Variants in BZW1 observed in about 807,000 individuals in gnomAD.
The protein encoded by BZW1 is basic leucine zipper and W2 domains 1, also known as eIF5-mimic protein 2.
BZW1 carries 3 observed loss-of-function variants against 54.1 expected under a neutral mutation model. That is an observed-to-expected ratio of 0.06 (90% CI 0.03 to 0.14). The LOEUF (loss-of-function observed/expected upper bound fraction) is 0.14. BZW1 is among the 10% of genes least tolerant of loss of function. The pLI is 1.00. For synonymous variants in BZW1, 152 were observed against 162.7 expected (o/e 0.93, Z 0.50); for missense variants, 206 against 491.7 (o/e 0.42, Z 5.50).
rs575962973 is a variant in BZW1 at position 200,823,865 on chromosome 2, T to A, written c.*1687T>A. On this transcript the variant is annotated 3_prime_UTR_variant, in exon 12 of 12. Transcript: ENST00000409600. ...CTTTATACATCAGTCTTTTTTTTTT[T>A]AAATTCCATGTTAATACCTAGTGGT... 1.3e-3 allele frequency: 191 copies of A among 152,528 alleles called. No homozygotes were observed. Among genetic ancestry groups the A allele is most frequent in the Non-Finnish European group, 1.8e-3 (121 of 67,982 alleles). 9.4% of individuals were successfully genotyped at this position (152,528 alleles called of 1,614,324 possible).
chr2:200,815,814 A>G (rs866046584), intron 4 of BZW1, 53 bp downstream of exon 4: 29 of 1,399,902 alleles, frequency 2.1e-5, no homozygotes, highest in Middle Eastern at 3.6e-4. Flanking sequence ...CATGTGGTAT[A>G]TTTGAGGAAT....
chr2:200,818,933 A>G lies in BZW1; in HGVS notation c.966+32A>G, dbSNP rs771246393. On this transcript the variant is annotated intron_variant, in intron 9 of 11. Coordinates refer to ENST00000409600, the MANE Select transcript of BZW1 (RefSeq NM_001207067.2). ...GAACTATGCCTTGACAAAACAAACT[A>G]TTCTGCTTTCACGTGGTGATAAGTG... 12 of 1,525,214 alleles carry G rather than the reference A, an allele frequency of 7.9e-6. No individual in the cohort carries two copies. The East Asian group carries it at 2.4e-4, about 31-fold the overall frequency. 94.5% of individuals were successfully genotyped at this position (1,525,214 alleles called of 1,614,324 possible).
chr2:200,818,122 G>A (rs1424291311), intron 7 of BZW1, 39 bp downstream of exon 7: 11 of 1,515,804 alleles, frequency 7.3e-6, no homozygotes, highest in Non-Finnish European at 8.0e-6. Flanking sequence ...TCTTGCCAAG[G>A]ATGTAAATGA....
In BZW1 at chr2:200,816,411, T is replaced by G. The variant is rs773650992; in HGVS notation, c.402+21T>G. The G allele has an allele frequency of 2.0e-6, 3 of 1,489,448 alleles. No homozygotes were observed. The East Asian group carries it at 7.0e-5, about 35-fold the overall frequency. 92.3% of individuals were successfully genotyped at this position (1,489,448 alleles called of 1,614,324 possible). A position where few individuals can be genotyped will look rare whatever the true frequency, so the allele number is the denominator to read the frequency against. On this transcript the variant is annotated intron_variant, in intron 5 of 11. Transcript: ENST00000409600. ...AAAAGGTATGAGTAATAATGTACTT[T>G]GTGGAAAAGAAAAAAATAGGGTTAG...
chr2:200,812,421 C>T lies in BZW1; in HGVS notation c.-11+431C>T, dbSNP rs1364135571. On this transcript the variant is annotated intron_variant, in intron 1 of 11. Coordinates refer to ENST00000409600, the MANE Select transcript of BZW1 (RefSeq NM_001207067.2). ...GAGGGCGGGCGGATGTACGGGGCGC[C>T]TGGGGCCCCGGCGCAAAGCGCCTCA... 5 of 1,283,104 alleles carry T rather than the reference C, an allele frequency of 3.9e-6. No individual in the cohort carries two copies. Among genetic ancestry groups the T allele is most frequent in the South Asian group, 2.5e-5 (1 of 39,602 alleles). The allele number at this position is 1,283,104 out of a possible 1,614,324, so 79.5% of individuals were successfully genotyped here.
intron 11 of BZW1, among the ~76,000 whole-genome samples, 187 bp from the exon 12 acceptor site, chr2:200,821,960 T>G (rs1390737356): frequency 6.6e-6 from 1 of 152,070 alleles, no homozygotes; most frequent in African/African-American, 2.4e-5. Context: ...TTCCAGCTAC[T>G]TGGGAAACTG....
intron 1 of BZW1, chr2:200,812,361 C>T: frequency 7.8e-7 from 1 of 1,282,748 alleles, no homozygotes; most frequent in Non-Finnish European, 9.8e-7. Flanking sequence ...CACCCACCAC[C>T]GCTGCGGCCG....
In BZW1 at chr2:200,826,690, A is replaced by G. The variant is rs556467370; in HGVS notation, c.*4512A>G. ...CTTGTGGCAACTACTATAGTGCTCT[A>G]GTGGGGACAGTGGTTAAAATCTGCA... On this transcript the variant is annotated 3_prime_UTR_variant, in exon 12 of 12. Coordinates refer to ENST00000409600, the MANE Select transcript of BZW1 (RefSeq NM_001207067.2). 2.0e-5 allele frequency: 1 copy of G among 50,410 alleles called. No homozygotes were observed. Among genetic ancestry groups the G allele is most frequent in the African/African-American group, 5.4e-5 (1 of 18,472 alleles). The allele number at this position is 50,410 out of a possible 1,614,324, so 3.1% of individuals were successfully genotyped here.
chr2:200,825,191 A>C lies in BZW1; in HGVS notation c.*3013A>C, dbSNP rs567043824. On this transcript the variant is annotated 3_prime_UTR_variant, in exon 12 of 12. Transcript: ENST00000409600. The stretch of plus-strand genomic sequence containing the variant: ...GCGATTCTCTTGCTTCAGCCTCCTG[A>C]GTAGCTGGGATTACAGGCGGCCACC... 1 of 152,272 alleles carries C rather than the reference A, an allele frequency of 6.6e-6. No individual in the cohort carries two copies. The highest frequency in any genetic ancestry group is 2.1e-4 in the South Asian group (1 of 4,824). The allele number at this position is 152,272 out of a possible 1,614,324, so 9.4% of individuals were successfully genotyped here.
chr2:200,815,613 T>G, intron 3 of BZW1, 54 bp from the exon 4 acceptor site: 1 of 1,585,886 alleles, frequency 6.3e-7, no homozygotes, highest in Non-Finnish European at 8.6e-7. Flanking sequence ...GCAAACTTGT[T>G]AAAATGGAGT....
At chr2:200,821,688 C>T (rs1290807487) in intron 11 of BZW1, among the ~76,000 whole-genome samples, 2 of 152,094 alleles carry the variant, frequency 1.3e-5, no homozygotes, top group African/African-American at 4.8e-5. Context: ...TGTGATTGCA[C>T]CCAGCCAAAT....
chr2:200,817,684 G>A (rs572686709), intron 6 of BZW1, among the ~76,000 whole-genome samples: 1 of 151,812 alleles, frequency 6.6e-6, no homozygotes, highest in East Asian at 1.9e-4. Flanking sequence ...GAGTATTTAA[G>A]TTACCTTACT....
In BZW1 at chr2:200,826,271, A is replaced by G. The variant is rs17467616; in HGVS notation, c.*4093A>G. On this transcript the variant is annotated 3_prime_UTR_variant, in exon 12 of 12. Transcript: ENST00000409600. ...GCTTAACTAGAGGCAATTAACAGTC[A>G]TTTCAAATCTAATTATTTTTATTTT... The G allele has an allele frequency of 6.6e-6, 1 of 151,922 alleles. No individual in the cohort carries two copies. Among genetic ancestry groups the G allele is most frequent in the African/African-American group, 2.4e-5 (1 of 41,350 alleles). 9.4% of individuals were successfully genotyped at this position (151,922 alleles called of 1,614,324 possible). A position where few individuals can be genotyped will look rare whatever the true frequency, so the allele number is the denominator to read the frequency against.
At position 200,824,239 on chromosome 2, in the gene BZW1, T is replaced by G. The variant is rs2038630731; in HGVS notation, c.*2061T>G. ...AATGCTTTATAAAAAGATTGCAGAT[T>G]CCATTCCATATAAAAAGATTCCATT... On this transcript the variant is annotated 3_prime_UTR_variant, in exon 12 of 12. Coordinates refer to ENST00000409600, the MANE Select transcript of BZW1 (RefSeq NM_001207067.2). 6.6e-6 allele frequency: 1 copy of G among 152,188 alleles called. No homozygotes were observed. The highest frequency in any genetic ancestry group is 1.5e-5 in the Non-Finnish European group (1 of 68,014). 9.4% of individuals were successfully genotyped at this position (152,188 alleles called of 1,614,324 possible). A position where few individuals can be genotyped will look rare whatever the true frequency, so the allele number is the denominator to read the frequency against.
In BZW1 at chr2:200,827,331, A is replaced by G. The variant is rs1480684375; in HGVS notation, c.*5153A>G. 1 of 152,224 alleles carries G rather than the reference A, an allele frequency of 6.6e-6. No homozygotes were observed. Among genetic ancestry groups the G allele is most frequent in the Non-Finnish European group, 1.5e-5 (1 of 68,042 alleles). 9.4% of individuals were successfully genotyped at this position (152,224 alleles called of 1,614,324 possible). A position where few individuals can be genotyped will look rare whatever the true frequency, so the allele number is the denominator to read the frequency against. ...ATTTCATGAGACTCCTTGTTAATGT[A>G]GAGAAAAGCAATGACTGTTCAGTTG... On this transcript the variant is annotated 3_prime_UTR_variant, in exon 12 of 12. Transcript: ENST00000409600.
At position 200,824,984 on chromosome 2, in the gene BZW1, A is replaced by G. The variant is rs1368080113; in HGVS notation, c.*2806A>G. 6.6e-6 allele frequency: 1 copy of G among 151,200 alleles called. No homozygotes were observed. The highest frequency in any genetic ancestry group is 1.5e-5 in the Non-Finnish European group (1 of 67,778). The allele number at this position is 151,200 out of a possible 1,614,324, so 9.4% of individuals were successfully genotyped here. A position where few individuals can be genotyped will look rare whatever the true frequency, so the allele number is the denominator to read the frequency against. On this transcript the variant is annotated 3_prime_UTR_variant, in exon 12 of 12. Coordinates refer to ENST00000409600, the MANE Select transcript of BZW1 (RefSeq NM_001207067.2). Reference sequence around the variant, plus strand: ...ACCGCGCCCAGCTAGACTTTTTTCTAATAGAGTCCCCCATAAATTTTATTA... The same window carrying G: ...ACCGCGCCCAGCTAGACTTTTTTCTGATAGAGTCCCCCATAAATTTTATTA...
rs45609832 is a variant in BZW1, at chr2:200,818,412, C to T, written c.819+19C>T. The T allele has an allele frequency of 3.0e-3, 4,840 of 1,593,800 alleles. 10 individuals carry two copies. Among genetic ancestry groups the T allele is most frequent in the Admixed American group, 4.2e-3 (219 of 52,114 alleles). The stretch of plus-strand genomic sequence containing the variant: ...TAAGGATGTAAGTTTTTGTTTAAAC[C>T]GTCTTTTTATGGCTAAGCTTCTGGC... On this transcript the variant is annotated intron_variant, in intron 8 of 11. Coordinates refer to ENST00000409600, the MANE Select transcript of BZW1 (RefSeq NM_001207067.2).
rs986107458 is a variant in BZW1 at position 200,817,958 on chromosome 2, C to T, written c.539-16C>T. ...AGGGAAGGTACTTCTGTTAATTAAG[C>T]TATTTTCTTTTACAGGAGTTTCAGC... is the stretch of plus-strand genomic sequence containing the variant. On this transcript the variant is annotated splice_polypyrimidine_tract_variant and intron_variant, in intron 6 of 11. Coordinates refer to ENST00000409600, the MANE Select transcript of BZW1 (RefSeq NM_001207067.2). 4.6e-6 allele frequency: 7 copies of T among 1,518,126 alleles called. No individual in the cohort carries two copies. The highest frequency in any genetic ancestry group is 6.3e-6 in the Non-Finnish European group (7 of 1,119,476). The allele number at this position is 1,518,126 out of a possible 1,614,324, so 94.0% of individuals were successfully genotyped here. A position where few individuals can be genotyped will look rare whatever the true frequency, so the allele number is the denominator to read the frequency against.
chr2:200,817,281 TG>T, intron 6 of BZW1, 40 bp downstream of exon 6: 2 of 1,602,506 alleles, frequency 1.2e-6, no homozygotes, highest in South Asian at 1.1e-5. Context: ...TGACTCAGAG[TG>T]GGGTGGATAA....
Sources: gnomAD v4.1 joint callset for allele counts (sites outside exome capture counted in the v4.1 genomes callset) on GRCh38, gnomAD v4.1.1 for gene constraint, MANE v1.5 for transcripts, NCBI Gene and HGNC (gene_info 2026-07-23, HGNC 2026-07-21) for gene names.